SFTPA2: variants seen among roughly 807,000 people sequenced by gnomAD.
SFTPA2 encodes surfactant protein A2.
A neutral mutation model predicts 20.3 loss-of-function variants in SFTPA2; 21 were observed. The observed-to-expected ratio is 1.03, with a 90% CI of 0.73 to 1.49. The LOEUF (loss-of-function observed/expected upper bound fraction) is 1.49, where lower values mean the gene tolerates loss of function less well. Ranked by LOEUF, SFTPA2 falls within the 40% of genes most tolerant of loss-of-function variation. SFTPA2 has a pLI of 0.00. For missense variants in SFTPA2, 302 were observed against 314.8 expected, an observed-to-expected ratio of 0.96 and a Z score of 0.31; for synonymous variants, 116 against 118.7, an observed-to-expected ratio of 0.98 and a Z score of 0.15.
chr10:79,559,775 T>C (rs1406718577), intron 2 of SFTPA2, 194 bp downstream of exon 2: 2 of 1,486,332 alleles, frequency 1.3e-6, no homozygotes, highest in Non-Finnish European at 1.8e-6. Flanking sequence ...CCCAGGGACC[T>C]GGGCTCCAGT....
Position 79,559,120 on chromosome 10 carries a change from T to C in SFTPA2, c.173-115A>G, listed in dbSNP as rs183936990. ...GGCTCAGCTATCACTCCGTGGGCAC[T>C]ATGAGGACAGACTCTCCAGGATGCG... On this transcript the variant is annotated intron_variant, in intron 3 of 5. Coordinates refer to ENST00000372325, the MANE Select transcript of SFTPA2 (RefSeq NM_001098668.4). The C allele has an allele frequency of 6.6e-3, 10,528 of 1,606,516 alleles. 58 individuals carry two copies. The highest frequency in any genetic ancestry group is 6.9e-3 in the Non-Finnish European group (8,104 of 1,175,370).
chr10:79,557,728 G>A (rs1392377620), intron 5 of SFTPA2, 143 bp from the exon 6 acceptor site: 1 of 1,090,904 alleles, frequency 9.2e-7, no homozygotes, highest in Non-Finnish European at 1.3e-6. Context: ...TCCAATTGCA[G>A]TTTTCTAAAT....
chr10:79,558,550 C>T (rs1025891481), intron 4 of SFTPA2, among the ~76,000 whole-genome samples: 5 of 152,178 alleles, frequency 3.3e-5, no homozygotes, highest in Middle Eastern at 3.4e-3. Context: ...CTGGATGCCT[C>T]GTCCGCATTC....
intron 2 of SFTPA2, 105 bp from the exon 3 acceptor site, chr10:79,559,611 G>A (rs564250663): frequency 5.1e-5 from 81 of 1,585,132 alleles, no homozygotes; most frequent in African/African-American, 3.8e-4. Flanking sequence ...GAGGCAGGGC[G>A]GGCGAGACCA....
intron 4 of SFTPA2, 136 bp downstream of exon 4, chr10:79,558,750 C>T (rs530372688): frequency 1.4e-6 from 2 of 1,474,880 alleles, no homozygotes; most frequent in South Asian, 1.2e-5. Flanking sequence ...CCCTCAAATT[C>T]ATATTCTCTT....
intron 4 of SFTPA2, among the ~76,000 whole-genome samples, chr10:79,558,595 G>A (rs1305094290): frequency 6.6e-6 from 1 of 152,020 alleles, no homozygotes; most frequent in Non-Finnish European, 1.5e-5. Context: ...TCCATCCCAG[G>A]ACATGCCTCC....
Position 79,558,057 on chromosome 10 carries a change from C to G in SFTPA2, c.365G>C (p.Arg122Thr), listed in dbSNP as rs778094757. 1.1e-5 allele frequency: 18 copies of G among 1,614,014 alleles called. No homozygotes were observed. The highest frequency in any genetic ancestry group is 1.4e-5 in the Non-Finnish European group (17 of 1,180,014). The change falls in exon 5 of 6, where the codon AGG becomes ACG. Residue 122 changes from arginine (R) to threonine (T), a missense_variant. Transcript: ENST00000372325. ...HDFRHQILQT[R>T]GALSLQGSIM... is the part of the protein sequence containing the mutation. ...GGCCCAGGGGGTCCCCTTACCTCCC[C>G]TTGTCTGCAGGATTTGATGTCTGAA... is the stretch of plus-strand genomic sequence containing the variant.
Position 79,557,094 on chromosome 10 carries a change from G to T in SFTPA2, c.*115C>A, listed in dbSNP as rs17878337. 3.1e-3 allele frequency: 4,923 copies of T among 1,575,698 alleles called. 135 individuals carry two copies. In the African/African-American group the frequency reaches 0.057, roughly 18 times the overall value. ...GCTAAGGGTGCCTCCAGCTCTAATA[G>T]CCACAAGTGAATTCTGTTGAAAGGG... On this transcript the variant is annotated 3_prime_UTR_variant, in exon 6 of 6. Coordinates refer to ENST00000372325, the MANE Select transcript of SFTPA2 (RefSeq NM_001098668.4).
At position 79,558,812 on chromosome 10, in the gene SFTPA2, C is replaced by T. The variant is rs145385034; in HGVS notation, c.292+74G>A. 6.2e-4 allele frequency: 995 copies of T among 1,611,918 alleles called. 6 individuals are homozygous for T. The East Asian group carries it at 0.018, about 30-fold the overall frequency. Reference sequence around the variant, plus strand: ...GGAACCTGCAGGGTTTGTCTGACCCCCATCACCCCTGTGTAACTGACTTCA... The same window carrying T: ...GGAACCTGCAGGGTTTGTCTGACCCTCATCACCCCTGTGTAACTGACTTCA... On this transcript the variant is annotated intron_variant, in intron 4 of 5. Transcript: ENST00000372325.
In SFTPA2 at chr10:79,560,056, G is replaced by A. The variant is rs1044027107; in HGVS notation, c.-53-58C>T. The A allele has an allele frequency of 2.5e-5, 26 of 1,055,492 alleles. 1 individual carries two copies. The highest frequency in any genetic ancestry group is 2.1e-5 in the Non-Finnish European group (18 of 870,918). The allele number at this position is 1,055,492 out of a possible 1,614,324, so 65.4% of individuals were successfully genotyped here. On this transcript the variant is annotated intron_variant, in intron 1 of 5. Transcript: ENST00000372325. ...GCCTGGACCCTTCAAGGTGATCATC[G>A]GGGGGTGATGACCCTCTCACAGTCA...
chr10:79,558,877 C>A lies in SFTPA2; in HGVS notation c.292+9G>T, dbSNP rs912470596. ...TGTTTCCACTGCCCACCTGCCCCGC[C>A]CTGCTCACCTGGAGGGCCTCTCTCG... is the stretch of plus-strand genomic sequence containing the variant. On this transcript the variant is annotated intron_variant, in intron 4 of 5. Transcript: ENST00000372325. 3 of 1,614,030 alleles carry A rather than the reference C, an allele frequency of 1.9e-6. No individual in the cohort carries two copies. The South Asian group carries it at 3.3e-5, about 18-fold the overall frequency.
Position 79,560,030 on chromosome 10 carries a change from A to G in SFTPA2, c.-53-32T>C, listed in dbSNP as rs1342416552. ...ATGAAAAGAGATGAATAGGGCCCAC[A>G]GCCTGGACCCTTCAAGGTGATCATC... On this transcript the variant is annotated intron_variant, in intron 1 of 5. Coordinates refer to ENST00000372325, the MANE Select transcript of SFTPA2 (RefSeq NM_001098668.4). 4.5e-6 allele frequency: 5 copies of G among 1,120,748 alleles called. No individual in the cohort carries two copies. The African/African-American group carries it at 6.5e-5, about 14-fold the overall frequency. 69.4% of individuals were successfully genotyped at this position (1,120,748 alleles called of 1,614,324 possible). A position where few individuals can be genotyped will look rare whatever the true frequency, so the allele number is the denominator to read the frequency against.
intron 5 of SFTPA2, 55 bp downstream of exon 5, chr10:79,557,997 A>C: frequency 1.2e-6 from 2 of 1,610,852 alleles, no homozygotes; most frequent in Non-Finnish European, 1.7e-6. Flanking sequence ...GGTGCTGAGA[A>C]TGAGGGGAAT....
chr10:79,557,488 G>C lies in SFTPA2; in HGVS notation c.468C>G (p.Ala156=). 6.2e-7 allele frequency: 1 copy of C among 1,613,546 alleles called. No homozygotes were observed. The highest frequency in any genetic ancestry group is 8.5e-7 in the Non-Finnish European group (1 of 1,179,672). Residue 156 remains alanine, a synonymous_variant, in exon 6 of 6, where the codon GCC becomes GCG. Coordinates refer to ENST00000372325, the MANE Select transcript of SFTPA2 (RefSeq NM_001098668.4). Reference sequence around the variant, plus strand: ...GGACAGCAATGCGGCCGCCTGCTCTGGCACATGCCTCCTGAATGGCATCAA... The same window carrying C: ...GGACAGCAATGCGGCCGCCTGCTCTCGCACATGCCTCCTGAATGGCATCAA... ...ITFDAIQEAC[A]RAGGRIAVPR...
At chr10:79,559,145 G>A (rs562462941) in intron 3 of SFTPA2, 140 bp from the exon 4 acceptor site, 63 of 1,567,216 alleles carry the variant, frequency 4.0e-5, no homozygotes, top group African/African-American at 3.8e-4. Flanking sequence ...TCCAGGATGC[G>A]CCATCATAAG....
At chr10:79,558,238 C>T (rs1858921787) in intron 4 of SFTPA2, 109 bp from the exon 5 acceptor site, 20 of 1,603,444 alleles carry the variant, frequency 1.2e-5, no homozygotes, top group Non-Finnish European at 1.6e-5. Flanking sequence ...CCTTTCATTG[C>T]TGTTAGGCAC....
rs988808295 is a variant in SFTPA2, at chr10:79,559,613, G to C, written c.-23-107C>G. On this transcript the variant is annotated intron_variant, in intron 2 of 5. Transcript: ENST00000372325. ...GGGCAGAGCCCGAGAGGCAGGGCGGGCGAGACCAGAGTGCTGGGAAGACCC... is the reference window on the plus strand; with the variant it reads ...GGGCAGAGCCCGAGAGGCAGGGCGGCCGAGACCAGAGTGCTGGGAAGACCC... 29 of 1,584,118 alleles carry C rather than the reference G, an allele frequency of 1.8e-5. No homozygotes were observed. The Admixed American group carries it at 5.3e-4, about 29-fold the overall frequency.
chr10:79,559,933 T>C, intron 2 of SFTPA2, 36 bp downstream of exon 2: 2 of 1,358,780 alleles, frequency 1.5e-6, no homozygotes, highest in Non-Finnish European at 1.9e-6. Flanking sequence ...ACTCACTCAC[T>C]GACTCACTCC....
intron 5 of SFTPA2, 97 bp from the exon 6 acceptor site, chr10:79,557,682 T>C: frequency 6.4e-7 from 1 of 1,572,926 alleles, no homozygotes; most frequent in Non-Finnish European, 8.7e-7. Flanking sequence ...CCCCAGTCTC[T>C]CCATCTCTGC....
Sources: gnomAD v4.1 joint callset for allele counts (sites outside exome capture counted in the v4.1 genomes callset) on GRCh38, gnomAD v4.1.1 for gene constraint, MANE v1.5 for transcripts, NCBI Gene and HGNC (gene_info 2026-07-23, HGNC 2026-07-21) for gene names.